The following NPC2 variants were observed in gnomAD, a reference collection of about 807,000 sequenced individuals.
The protein encoded by NPC2 is Niemann-Pick disease type C2 protein.
In NPC2, 14 loss-of-function variants were observed where a neutral mutation model predicts 17.0. The observed-to-expected ratio is 0.82, with a 90% confidence interval of 0.54 to 1.29. NPC2 has a LOEUF of 1.29. NPC2 is among the 50% of genes most tolerant of loss of function. NPC2 has a pLI of 0.00. For missense variants in NPC2, 167 were observed against 183.4 expected (o/e 0.91, Z 0.52); for synonymous variants, 75 against 69.3 (o/e 1.08, Z -0.41).
At chr14:74,488,932 G>A (rs1445386746) in intron 1 of NPC2, among the ~76,000 whole-genome samples, 4 of 152,148 alleles carry the variant, frequency 2.6e-5, no homozygotes, top group Admixed American at 6.5e-5. Context: ...CTGCACTTCT[G>A]CAGTTTCTTC....
intron 1 of NPC2, among the ~76,000 whole-genome samples, chr14:74,489,509 G>A (rs1185163501): frequency 6.6e-6 from 1 of 151,098 alleles, no homozygotes; most frequent in African/African-American, 2.4e-5. Flanking sequence ...ATGTATACTC[G>A]ATTTTGGGAA....
chr14:74,480,882 AACTCCTCAT>A lies in NPC2; in HGVS notation c.364-112_364-104del, dbSNP rs1384414832. On this transcript the variant is annotated intron_variant, in intron 3 of 4. Transcript: ENST00000555619. Reference sequence around the variant, plus strand: ...CTAGATGTACAGTAGCAAACTTCCTAACTCCTCATACTTTTTTTCTTAAATCATGAGGGC... The same window carrying A: ...CTAGATGTACAGTAGCAAACTTCCTAACTTTTTTTCTTAAATCATGAGGGC... The A allele has an allele frequency of 4.2e-6, 4 of 950,260 alleles. No homozygotes were observed. In the African/African-American group the frequency reaches 4.8e-5, roughly 11 times the overall value. 58.9% of individuals were successfully genotyped at this position (950,260 alleles called of 1,614,324 possible).
chr14:74,489,083 T>A (rs938072508), intron 1 of NPC2, among the ~76,000 whole-genome samples: 1 of 152,054 alleles, frequency 6.6e-6, no homozygotes, highest in African/African-American at 2.4e-5. Context: ...TGAAGAGGAG[T>A]ACAGAGGTTA....
intron 4 of NPC2, 139 bp from the exon 5 acceptor site, chr14:74,480,427 C>T (rs1382063928): frequency 1.8e-5 from 15 of 830,412 alleles, no homozygotes; most frequent in Admixed American, 3.6e-5. Context: ...TTCCTTACTC[C>T]GACAGAAAAA....
chr14:74,490,210 T>C (rs1348568202), intron 1 of NPC2, among the ~76,000 whole-genome samples: 4 of 152,224 alleles, frequency 2.6e-5, no homozygotes, highest in African/African-American at 9.6e-5. Flanking sequence ...TATAAAAGTA[T>C]GATATGAACT....
At chr14:74,485,504 T>C (rs925531302) in intron 2 of NPC2, among the ~76,000 whole-genome samples, 16 of 151,834 alleles carry the variant, frequency 1.1e-4, no homozygotes, top group African/African-American at 3.4e-4. Context: ...GGGTTGGGGA[T>C]GACTTGTTCA....
At chr14:74,480,982 G>A (rs1001095669) in intron 3 of NPC2, among the ~76,000 whole-genome samples, 3 of 152,180 alleles carry the variant, frequency 2.0e-5, no homozygotes, top group African/African-American at 7.2e-5. Context: ...GTGATTTGAT[G>A]CTAGCAGCAC....
chr14:74,490,212 A>G (rs1286516759), intron 1 of NPC2, among the ~76,000 whole-genome samples: 1 of 152,234 alleles, frequency 6.6e-6, no homozygotes, highest in African/African-American at 2.4e-5. Context: ...TAAAAGTATG[A>G]TATGAACTCA....
chr14:74,487,777 G>C (rs1292603513), intron 1 of NPC2, among the ~76,000 whole-genome samples: 2 of 152,166 alleles, frequency 1.3e-5, no homozygotes, highest in African/African-American at 2.4e-5. Flanking sequence ...AGAGTTTTTA[G>C]TTCCTGAATC....
chr14:74,493,085 C>T lies in NPC2; in HGVS notation c.82+108G>A. The T allele has an allele frequency of 7.0e-7, 1 of 1,426,438 alleles. No homozygotes were observed. Among genetic ancestry groups the T allele is most frequent in the Middle Eastern group, 2.5e-4 (1 of 4,046 alleles). The allele number at this position is 1,426,438 out of a possible 1,614,324, so 88.4% of individuals were successfully genotyped here. A position where few individuals can be genotyped will look rare whatever the true frequency, so the allele number is the denominator to read the frequency against. ...AGTTAGGTAGGGTCCAAGGCTCAGC[C>T]TGGCCGCCCGAGGGATCCGCCCAGC... On this transcript the variant is annotated intron_variant, in intron 1 of 4. Coordinates refer to ENST00000555619, the MANE Select transcript of NPC2 (RefSeq NM_006432.5). The surrounding 1 kb of genome is among the most constrained non-coding windows in gnomAD (Gnocchi z 4.1).
Position 74,484,397 on chromosome 14 carries a change from A to G in NPC2, c.363+18T>C, listed in dbSNP as rs768909280. On this transcript the variant is annotated intron_variant, in intron 3 of 4. Coordinates refer to ENST00000555619, the MANE Select transcript of NPC2 (RefSeq NM_006432.5). ...CAGTCCCAAGGCCTCCCGTGTCCTC[A>G]ATAATGGTATCACTTACAGAGGGAT... 1 of 1,613,600 alleles carries G rather than the reference A, an allele frequency of 6.2e-7. No individual in the cohort carries two copies. The highest frequency in any genetic ancestry group is 8.5e-7 in the Non-Finnish European group (1 of 1,179,604).
chr14:74,486,182 T>G, intron 2 of NPC2, 147 bp downstream of exon 2: 2 of 800,196 alleles, frequency 2.5e-6, no homozygotes, highest in Non-Finnish European at 2.1e-6. Flanking sequence ...AAGGGCACAG[T>G]GAACCCTAGC....
In NPC2 at chr14:74,480,763, T is replaced by C. The variant is rs764746288; in HGVS notation, c.380A>G (p.Glu127Gly). Residue 127 changes from glutamate (E) to glycine (G), a missense_variant, in exon 4 of 5, where the codon GAG becomes GGG. Physicochemically the swap from Glu to Gly is moderately conservative, Grantham distance 98 (BLOSUM62 -2). Transcript: ENST00000555619. ...GTTTTTGTCATCCTGAAGTTGCCAC[T>C]CCACCACCAGTTTTATCTGGAGAAA... is the stretch of plus-strand genomic sequence containing the variant. The part of the protein sequence containing the change: ...SEYPSIKLVV[E>G]WQLQDDKNQS... 1 of 1,613,634 alleles carries C rather than the reference T, an allele frequency of 6.2e-7. No individual in the cohort carries two copies. The highest frequency in any genetic ancestry group is 8.5e-7 in the Non-Finnish European group (1 of 1,179,676).
Position 74,480,255 on chromosome 14 carries a change from A to G in NPC2, c.*19T>C, listed in dbSNP as rs368287137. ...CTCAGCAGACTCATTGGCCAGATGCACCGAACTCAATGAGGCACTTAGAGA... is the reference window on the plus strand; with the variant it reads ...CTCAGCAGACTCATTGGCCAGATGCGCCGAACTCAATGAGGCACTTAGAGA... On this transcript the variant is annotated 3_prime_UTR_variant, in exon 5 of 5. Coordinates refer to ENST00000555619, the MANE Select transcript of NPC2 (RefSeq NM_006432.5). 4.9e-4 allele frequency: 786 copies of G among 1,614,144 alleles called. 12 individuals are homozygous for G. In the South Asian group the frequency reaches 8.4e-3, roughly 17 times the overall value.
chr14:74,490,623 T>C (rs2086761377), intron 1 of NPC2, among the ~76,000 whole-genome samples: 1 of 152,256 alleles, frequency 6.6e-6, no homozygotes, highest in South Asian at 2.1e-4. Context: ...TCCAGTTTTC[T>C]GATGACAAGA....
chr14:74,480,461 A>G lies in NPC2; in HGVS notation c.442-173T>C. 7.8e-6 allele frequency: 6 copies of G among 773,324 alleles called. 1 individual carries two copies. Among genetic ancestry groups the G allele is most frequent in the South Asian group, 4.2e-5 (3 of 72,266 alleles). 47.9% of individuals were successfully genotyped at this position (773,324 alleles called of 1,614,324 possible). ...AAAACCAATGAAGACAGTTAAATCA[A>G]TCTCTACAGTCTCACTCTCTCTTCT... On this transcript the variant is annotated intron_variant, in intron 4 of 4. Transcript: ENST00000555619.
chr14:74,483,192 C>T (rs1178064929), intron 3 of NPC2: 2 of 855,492 alleles, frequency 2.3e-6, no homozygotes, highest in Non-Finnish European at 3.9e-6. Flanking sequence ...TGAAGAATGG[C>T]CAAGGTTTTG....
At chr14:74,483,531 G>A (rs1316051299) in intron 3 of NPC2, 1 of 1,503,620 alleles carries the variant, frequency 6.7e-7, no homozygotes, top group Non-Finnish European at 8.9e-7. Flanking sequence ...CAGCAGCTCT[G>A]AGCTAGGTTA....
chr14:74,485,164 G>A (rs2086696841), intron 2 of NPC2, among the ~76,000 whole-genome samples: 2 of 151,872 alleles, frequency 1.3e-5, no homozygotes, highest in East Asian at 1.9e-4. Context: ...GCGTGGTGGC[G>A]CATGCCTGTC....
Sources: gnomAD v4.1 joint callset for allele counts (sites outside exome capture counted in the v4.1 genomes callset) on GRCh38, gnomAD v4.1.1 for gene constraint, Gnocchi (gnomAD v3.1) non-coding constraint, MANE v1.5 for transcripts, NCBI Gene and HGNC (gene_info 2026-07-23, HGNC 2026-07-21) for gene names.